IPO5: variants seen among roughly 807,000 people sequenced by gnomAD.
IPO5 encodes importin 5.
In IPO5, 18 loss-of-function variants were observed where a neutral mutation model predicts 143.3. That is an observed-to-expected ratio of 0.13 (90% CI 0.09 to 0.19). The LOEUF (loss-of-function observed/expected upper bound fraction) is 0.19, where lower values mean the gene tolerates loss of function less well. Ranked by LOEUF, IPO5 falls within the 10% of genes least tolerant of loss-of-function variation. IPO5 has a pLI of 1.00. For synonymous variants in IPO5, 477 were observed against 465.7 expected, an observed-to-expected ratio of 1.02 and a Z score of -0.31; for missense variants, 1,013 against 1,336.9, an observed-to-expected ratio of 0.76 and a Z score of 3.78.
intron 3 of IPO5, chr13:97,975,761 T>G (rs147094611): frequency 6.0e-6 from 1 of 167,862 alleles, no homozygotes; most frequent in East Asian, 1.9e-4. Flanking sequence ...AAACAAGGGA[T>G]TCAAGGGAAC....
Position 97,985,461 on chromosome 13 carries a change from C to T in IPO5, c.212C>T (p.Ser71Phe). ...GCCGTTCTCCTAAGACGTCTCTTGTCCTCTGCATTTGATGAAGTCTATCCA... is the reference window on the plus strand; with the variant it reads ...GCCGTTCTCCTAAGACGTCTCTTGTTCTCTGCATTTGATGAAGTCTATCCA... Reference protein sequence around the residue: ...MAAVLLRRLLSSAFDEVYPAL... With the variant: ...MAAVLLRRLLFSAFDEVYPAL... Residue 71 changes from serine to phenylalanine, a missense_variant, in exon 6 of 29, where the codon TCC becomes TTC. Around this residue, in one of 2 missense-constraint regions of IPO5, gnomAD observed 328 missense variants for 342.0 expected, o/e 0.96. Coordinates refer to ENST00000651721, the MANE Select transcript of IPO5 (RefSeq NM_002271.6). 6.2e-7 allele frequency: 1 copy of T among 1,614,124 alleles called. No individual in the cohort carries two copies. The highest frequency in any genetic ancestry group is 8.5e-7 in the Non-Finnish European group (1 of 1,180,012).
At chr13:97,984,359 C>T (rs1478577984) in intron 5 of IPO5, among the ~76,000 whole-genome samples, 1 of 152,070 alleles carries the variant, frequency 6.6e-6, no homozygotes, top group Admixed American at 6.5e-5. Flanking sequence ...ATTTTAAAGC[C>T]AAGAATACTG....
In IPO5 at chr13:98,006,075, T is replaced by C. The variant is rs544081524; in HGVS notation, c.1498-55T>C. 9.1e-5 allele frequency: 114 copies of C among 1,246,040 alleles called. 2 individuals carry two copies. In the South Asian group the frequency reaches 1.3e-3, roughly 15 times the overall value. 77.2% of individuals were successfully genotyped at this position (1,246,040 alleles called of 1,614,324 possible). ...ACTTGAAGGGAGTAGTAATTGTAAA[T>C]TTAAATACTTCTTCCAGTTTTCCTT... On this transcript the variant is annotated intron_variant, in intron 16 of 28. Transcript: ENST00000651721.
At chr13:97,993,314 T>G in intron 11 of IPO5, 89 bp downstream of exon 11, 1 of 1,117,192 alleles carries the variant, frequency 9.0e-7, no homozygotes, top group Non-Finnish European at 1.3e-6. Context: ...CTCAGATTGT[T>G]GAGAATATAA....
At chr13:97,964,131 C>T (rs1196051509) in intron 2 of IPO5, among the ~76,000 whole-genome samples, 1 of 152,136 alleles carries the variant, frequency 6.6e-6, no homozygotes, top group East Asian at 1.9e-4. Context: ...AATTTTCTCC[C>T]ATTCTGTAGG....
intron 18 of IPO5, among the ~76,000 whole-genome samples, chr13:98,008,945 T>G (rs1889484722): frequency 1.3e-5 from 2 of 152,220 alleles, no homozygotes; most frequent in South Asian, 4.1e-4. Context: ...GTTTTGTTGT[T>G]GTTTGCTTTC....
intron 2 of IPO5, among the ~76,000 whole-genome samples, chr13:97,966,171 A>T (rs1032494505): frequency 5.3e-5 from 8 of 151,976 alleles, no homozygotes; most frequent in African/African-American, 1.9e-4. Context: ...CTTCCAGTAA[A>T]ATATTGAGTA....
At chr13:97,972,710 G>T (rs942934373) in intron 3 of IPO5, among the ~76,000 whole-genome samples, 2 of 151,966 alleles carry the variant, frequency 1.3e-5, no homozygotes, top group African/African-American at 4.8e-5. Flanking sequence ...ATTTTAATGC[G>T]GCCAAAGCAA....
chr13:98,003,775 A>T, intron 16 of IPO5, among the ~76,000 whole-genome samples: 1 of 152,078 alleles, frequency 6.6e-6, no homozygotes, highest in East Asian at 1.9e-4. Flanking sequence ...TGAACCCGGG[A>T]GGCAGAGGTT....
At chr13:97,962,133 A>T (rs2139496457) in intron 2 of IPO5, among the ~76,000 whole-genome samples, 1 of 152,248 alleles carries the variant, frequency 6.6e-6, no homozygotes, top group South Asian at 2.1e-4. Context: ...TGTCTCAAAA[A>T]ATATACATTA....
intron 21 of IPO5, among the ~76,000 whole-genome samples, 193 bp from the exon 22 acceptor site, chr13:98,013,849 C>G (rs1889903322): frequency 6.6e-6 from 1 of 152,088 alleles, no homozygotes; most frequent in Admixed American, 6.5e-5. Context: ...TGGACTCATT[C>G]CTGCCACTAT....
Position 97,990,581 on chromosome 13 carries a change from G to A in IPO5, c.669+44G>A, listed in dbSNP as rs1887724824. 5.6e-6 allele frequency: 6 copies of A among 1,064,480 alleles called. No homozygotes were observed. The East Asian group carries it at 1.5e-4, about 26-fold the overall frequency. The allele number at this position is 1,064,480 out of a possible 1,614,324, so 65.9% of individuals were successfully genotyped here. A position where few individuals can be genotyped will look rare whatever the true frequency, so the allele number is the denominator to read the frequency against. The stretch of plus-strand genomic sequence containing the variant: ...ATAAATCATAATTATATCTTATTTG[G>A]TTCTTTAATGCATTCAATCATTTAT... On this transcript the variant is annotated intron_variant, in intron 9 of 28. Transcript: ENST00000651721.
At chr13:97,994,873 T>C (rs997868659) in intron 11 of IPO5, among the ~76,000 whole-genome samples, 3 of 152,124 alleles carry the variant, frequency 2.0e-5, no homozygotes, top group Non-Finnish European at 2.9e-5. Flanking sequence ...GGCCTGTAAT[T>C]CCAGCAATTT....
chr13:97,979,060 TAAGAG>T (rs1246727896), intron 4 of IPO5, among the ~76,000 whole-genome samples: 1 of 152,226 alleles, frequency 6.6e-6, no homozygotes, highest in African/African-American at 2.4e-5. Flanking sequence ...AAGTAAATGT[TAAGAG>T]AAGCTCTCTG....
rs952045382 is a variant in IPO5 at position 98,021,995 on chromosome 13, A to G, written c.*173A>G. 2 of 421,550 alleles carry G rather than the reference A, an allele frequency of 4.7e-6. No homozygotes were observed. The highest frequency in any genetic ancestry group is 8.5e-6 in the Non-Finnish European group (2 of 234,546). The allele number at this position is 421,550 out of a possible 1,614,324, so 26.1% of individuals were successfully genotyped here. ...CGCTGTGTTGCAGAATGGAGTTTCCATGGATTTCTACCAGACCACTGAAGG... is the reference window on the plus strand; with the variant it reads ...CGCTGTGTTGCAGAATGGAGTTTCCGTGGATTTCTACCAGACCACTGAAGG... On this transcript the variant is annotated 3_prime_UTR_variant, in exon 29 of 29. Transcript: ENST00000651721.
intron 21 of IPO5, 47 bp from the exon 22 acceptor site, chr13:98,013,995 T>A: frequency 1.3e-6 from 2 of 1,557,518 alleles, no homozygotes; most frequent in Admixed American, 1.9e-5. Context: ...CCTTTAACAT[T>A]TAAGCAAAAT....
chr13:97,961,048 T>C (rs1455454400), intron 2 of IPO5, among the ~76,000 whole-genome samples: 1 of 152,190 alleles, frequency 6.6e-6, no homozygotes, highest in Non-Finnish European at 1.5e-5. Flanking sequence ...GTGCTGATTC[T>C]GGACATTTCC....
In IPO5 at chr13:98,003,224, G is replaced by A. The variant is rs144433198; in HGVS notation, c.1497+187G>A. On this transcript the variant is annotated intron_variant, in intron 16 of 28. Transcript: ENST00000651721. ...ATTCAGATTGACCAAAATGTGGGCT[G>A]ATAATTGGAATTGGGAAAGATACAG... Among the ~76,000 whole-genome samples, 226 of 152,322 alleles carry A rather than the reference G, an allele frequency of 1.5e-3. 1 individual carries two copies. The highest frequency in any genetic ancestry group is 5.0e-3 in the African/African-American group (206 of 41,568).
chr13:97,964,054 T>G (rs980989953), intron 2 of IPO5, among the ~76,000 whole-genome samples: 6 of 152,232 alleles, frequency 3.9e-5, no homozygotes, highest in African/African-American at 1.4e-4. Context: ...GTTTTTTTCT[T>G]GTAAATTTGT....
Sources: allele counts gnomAD v4.1 joint callset (sites outside exome capture counted in the v4.1 genomes callset), GRCh38; gene constraint gnomAD v4.1.1; regional missense constraint gnomAD v4.1.1; transcripts MANE v1.5; gene names NCBI Gene and HGNC (gene_info 2026-07-23, HGNC 2026-07-21).